UGT2B7: variants seen among roughly 807,000 people sequenced by gnomAD.
UGT2B7 encodes the protein UDP-glucuronosyltransferase 2B7.
Under a neutral mutation model 51.9 loss-of-function variants are expected in UGT2B7, and 51 were observed. The observed-to-expected ratio is 0.98, with a 90% CI of 0.78 to 1.24. The LOEUF (loss-of-function observed/expected upper bound fraction) is 1.24, where lower values mean the gene tolerates loss of function less well. UGT2B7 is among the 50% of genes most tolerant of loss of function. The pLI is 0.00. For missense variants in UGT2B7, 727 were observed against 628.4 expected (o/e 1.16, Z -1.68); for synonymous variants, 225 against 211.6 (o/e 1.06, Z -0.55).
intron 1 of UGT2B7, among the ~76,000 whole-genome samples, chr4:69,060,206 T>G (rs1334915261): frequency 6.6e-6 from 1 of 152,186 alleles, no homozygotes; most frequent in Non-Finnish European, 1.5e-5. Flanking sequence ...AGGCAGGATA[T>G]AAAGTGTCAG....
intron 1 of UGT2B7, among the ~76,000 whole-genome samples, chr4:69,055,142 A>G (rs1718153635): frequency 6.7e-6 from 1 of 149,926 alleles, no homozygotes; most frequent in Non-Finnish European, 1.5e-5. Flanking sequence ...GTCCCCAAAA[A>G]CGTAATCTTA....
At chr4:69,094,916 G>A (rs979072652), upstream of UGT2B7, among the ~76,000 whole-genome samples, 2 of 152,152 alleles carry the variant, frequency 1.3e-5, no homozygotes, top group Non-Finnish European at 2.9e-5. Flanking sequence ...TCTTCACCAG[G>A]AGTAGATTCC....
intron 1 of UGT2B7, among the ~76,000 whole-genome samples, chr4:69,077,750 C>G (rs1204759262): frequency 6.6e-6 from 1 of 152,080 alleles, no homozygotes; most frequent in Non-Finnish European, 1.5e-5. Flanking sequence ...TTCCTCTTTT[C>G]CTATTTGAAT....
In UGT2B7 at chr4:69,064,040, G is replaced by A. The variant is rs994670766; in HGVS notation, c.-159+12438G>A. On this transcript the variant is annotated intron_variant, in intron 1 of 5. Transcript: ENST00000502942. ...GATGGGAAAGAAAGAAAGAAAGAAA[G>A]AAAGAAAGAAAGAAAGAAAGAAAGA... Among the ~76,000 whole-genome samples the A allele has an allele frequency of 1.1e-3, 93 of 85,816 alleles. 1 individual carries two copies. Among genetic ancestry groups the A allele is most frequent in the African/African-American group, 6.1e-3 (91 of 14,968 alleles). 56.3% of individuals were successfully genotyped at this position (85,816 alleles called of 152,430 possible). A position where few individuals can be genotyped will look rare whatever the true frequency, so the allele number is the denominator to read the frequency against.
intron 1 of UGT2B7, among the ~76,000 whole-genome samples, chr4:69,074,995 A>C (rs1217283493): frequency 6.6e-6 from 1 of 152,168 alleles, no homozygotes; most frequent in Non-Finnish European, 1.5e-5. Context: ...AGTTTTTAGG[A>C]CACCTATTTC....
intron 1 of UGT2B7, among the ~76,000 whole-genome samples, chr4:69,061,926 G>C (rs973121759): frequency 6.6e-5 from 10 of 152,116 alleles, no homozygotes; most frequent in African/African-American, 2.4e-4. Flanking sequence ...GGCCTTCTCC[G>C]TCAGGACAGA....
intron 1 of UGT2B7, among the ~76,000 whole-genome samples, chr4:69,057,063 T>C (rs1213074311): frequency 6.6e-6 from 1 of 152,170 alleles, no homozygotes; most frequent in African/African-American, 2.4e-5. Flanking sequence ...TTCCAGACAT[T>C]GTATAGAAGA....
At chr4:69,097,367 C>A in intron 1 of UGT2B7, 126 bp downstream of exon 1, 1 of 1,126,420 alleles carries the variant, frequency 8.9e-7, no homozygotes, top group Non-Finnish European at 1.2e-6. Context: ...AACAAAAATA[C>A]AAGATGATCT....
rs150025114 is a variant in UGT2B7, at chr4:69,068,161, G to C, written c.-159+16559G>C. Among the ~76,000 whole-genome samples, 495 of 151,992 alleles carry C rather than the reference G, an allele frequency of 3.3e-3. 2 individuals are homozygous for C. Among genetic ancestry groups the C allele is most frequent in the African/African-American group, 0.011 (476 of 41,496 alleles). On this transcript the variant is annotated intron_variant, in intron 1 of 5. Transcript: ENST00000502942. The stretch of plus-strand genomic sequence containing the variant: ...TCTTTTGTTTTTAAAGCTTTCCTAA[G>C]ATGATTTATTTTCAGTAATCAGCAT...
intron 1 of UGT2B7, among the ~76,000 whole-genome samples, chr4:69,064,104 A>AAGAGAGAGAGAGAG (rs1560499783): frequency 2.1e-4 from 23 of 110,606 alleles, no homozygotes; most frequent in Middle Eastern, 4.9e-3. Context: ...AAGAGAAAGA[A>AAGAGAGAGAGAGAG]AGAAAGAAAA....
chr4:69,075,366 C>T (rs1718680640), intron 1 of UGT2B7, among the ~76,000 whole-genome samples: 1 of 152,128 alleles, frequency 6.6e-6, no homozygotes, highest in Non-Finnish European at 1.5e-5. Flanking sequence ...GTCTGTCTGT[C>T]TCTGTCTTCT....
intron 1 of UGT2B7, among the ~76,000 whole-genome samples, chr4:69,071,390 C>T (rs780272906): frequency 2.6e-5 from 4 of 152,054 alleles, no homozygotes; most frequent in African/African-American, 4.8e-5. Flanking sequence ...AGCCAAATAC[C>T]ATGTGCAACA....
chr4:69,090,016 A>T (rs529467726), intron 2 of UGT2B7, among the ~76,000 whole-genome samples: 12 of 152,292 alleles, frequency 7.9e-5, no homozygotes, highest in South Asian at 2.1e-4. Flanking sequence ...TCCTCAACAT[A>T]TTTGATTGTA....
At chr4:69,061,815 A>G (rs1007352943) in intron 1 of UGT2B7, among the ~76,000 whole-genome samples, 1 of 152,164 alleles carries the variant, frequency 6.6e-6, no homozygotes, top group East Asian at 1.9e-4. Flanking sequence ...AAAAGGAGCT[A>G]TGCCCTGTGA....
intron 1 of UGT2B7, among the ~76,000 whole-genome samples, chr4:69,079,441 A>T (rs1718787199): frequency 6.6e-6 from 1 of 152,202 alleles, no homozygotes; most frequent in Non-Finnish European, 1.5e-5. Context: ...TACGTAACAA[A>T]CCTGTACGTT....
chr4:69,069,508 A>G (rs746345108), intron 1 of UGT2B7: 1 of 152,050 alleles, frequency 6.6e-6, no homozygotes, highest in Non-Finnish European at 1.5e-5. Flanking sequence ...CTCTATAACC[A>G]CTATGAAATA....
rs749542247 is a variant in UGT2B7 at position 69,096,486 on chromosome 4, C to T, written c.-35C>T. The T allele has an allele frequency of 1.9e-6, 3 of 1,610,896 alleles. No individual in the cohort carries two copies. In the South Asian group the frequency reaches 3.3e-5, roughly 18 times the overall value. ...AACCATGAGAAATGACAGAAAGGAACAGCAACTGGAAAACAAGCATTGCAT... is the reference window on the plus strand; with the variant it reads ...AACCATGAGAAATGACAGAAAGGAATAGCAACTGGAAAACAAGCATTGCAT... On this transcript the variant is annotated 5_prime_UTR_variant, in exon 1 of 6. Transcript: ENST00000305231.
At chr4:69,087,332 A>C (rs1178119612) in intron 1 of UGT2B7, among the ~76,000 whole-genome samples, 1 of 152,012 alleles carries the variant, frequency 6.6e-6, no homozygotes, top group African/African-American at 2.4e-5. Context: ...GTATTTTGAC[A>C]TAATTTTGTC....
At chr4:69,075,548 G>T (rs1016152695) in intron 1 of UGT2B7, among the ~76,000 whole-genome samples, 17 of 152,062 alleles carry the variant, frequency 1.1e-4, no homozygotes, top group African/African-American at 3.9e-4. Context: ...AGGAATTTGA[G>T]TCTTTTGACA....
Sources: allele counts gnomAD v4.1 joint callset (sites outside exome capture counted in the v4.1 genomes callset), GRCh38; gene constraint gnomAD v4.1.1; transcripts MANE v1.5; gene names NCBI Gene and HGNC (gene_info 2026-07-23, HGNC 2026-07-21).